The following HCN1 variants were observed in gnomAD, a reference collection of about 807,000 sequenced individuals.
HCN1 encodes hyperpolarization activated cyclic nucleotide gated potassium channel 1.
HCN1 carries 13 observed loss-of-function variants against 78.9 expected under a neutral mutation model. The observed-to-expected ratio is 0.16, with a 90% CI of 0.11 to 0.26. HCN1 has a LOEUF of 0.26. HCN1 is among the 10% of genes least tolerant of loss of function. The pLI is 1.00. For missense variants in HCN1, 810 were observed against 1,154.3 expected (o/e 0.70, Z 4.32); for synonymous variants, 552 against 455.5 (o/e 1.21, Z -2.70).
intron 6 of HCN1, among the ~76,000 whole-genome samples, chr5:45,282,919 T>A (rs1477751743): frequency 6.6e-6 from 1 of 152,202 alleles, no homozygotes; most frequent in Non-Finnish European, 1.5e-5. Context: ...TGTTTGTCTA[T>A]TTTTTAATCT....
chr5:45,528,693 G>T (rs1742786722), intron 2 of HCN1, among the ~76,000 whole-genome samples: 1 of 151,784 alleles, frequency 6.6e-6, no homozygotes, highest in South Asian at 2.1e-4. Context: ...CCCAAAAATT[G>T]TCCCTTTCCA....
intron 1 of HCN1, among the ~76,000 whole-genome samples, chr5:45,671,565 T>G (rs10074312): frequency 0.27 from 41,176 of 151,158 alleles, 5,689 homozygotes; most frequent in East Asian, 0.32. Context: ...ATACTTACAT[T>G]CTGAGTAAAT....
chr5:45,478,835 T>C (rs1336950748), intron 2 of HCN1, among the ~76,000 whole-genome samples: 1 of 151,974 alleles, frequency 6.6e-6, no homozygotes, highest in Non-Finnish European at 1.5e-5. Flanking sequence ...AAGAATAAGC[T>C]GAAGAAGGCA....
At chr5:45,543,573 T>A (rs1743146661) in intron 2 of HCN1, among the ~76,000 whole-genome samples, 1 of 152,060 alleles carries the variant, frequency 6.6e-6, no homozygotes, top group African/African-American at 2.4e-5. Context: ...AATTTGCTGT[T>A]TTTGCTTACT....
At chr5:45,529,460 A>G (rs1438199045) in intron 2 of HCN1, among the ~76,000 whole-genome samples, 10 of 152,052 alleles carry the variant, frequency 6.6e-5, no homozygotes, top group Non-Finnish European at 1.5e-5. Context: ...GATGTATTTT[A>G]TCTGAAAAGC....
intron 2 of HCN1, among the ~76,000 whole-genome samples, chr5:45,496,192 G>A (rs1742024285): frequency 6.6e-6 from 1 of 152,106 alleles, no homozygotes; most frequent in Admixed American, 6.5e-5. Flanking sequence ...GTTCCTCCTT[G>A]TACCTGTGGT....
chr5:45,658,713 G>C (rs1232662747), intron 1 of HCN1, among the ~76,000 whole-genome samples: 1 of 151,724 alleles, frequency 6.6e-6, no homozygotes, highest in Non-Finnish European at 1.5e-5. Flanking sequence ...GGAAAATCGG[G>C]TCACTCCCAC....
intron 3 of HCN1, among the ~76,000 whole-genome samples, chr5:45,419,681 G>A (rs1740188014): frequency 6.6e-6 from 1 of 152,144 alleles, no homozygotes; most frequent in Non-Finnish European, 1.5e-5. Flanking sequence ...GACAGAAGAA[G>A]GAAAATGTGA....
chr5:45,665,803 G>T (rs1746033258), intron 1 of HCN1, among the ~76,000 whole-genome samples: 1 of 152,034 alleles, frequency 6.6e-6, no homozygotes, highest in African/African-American at 2.4e-5. Context: ...ATTAAACTGT[G>T]CCAAAACTCT....
At chr5:45,483,644 T>G (rs1741699581) in intron 2 of HCN1, among the ~76,000 whole-genome samples, 1 of 152,160 alleles carries the variant, frequency 6.6e-6, no homozygotes, top group Admixed American at 6.5e-5. Flanking sequence ...ACTTGTTTAT[T>G]TTTGCTTTTG....
chr5:45,345,236 A>C (rs1746676625), intron 5 of HCN1, among the ~76,000 whole-genome samples: 1 of 152,190 alleles, frequency 6.6e-6, no homozygotes, highest in Admixed American at 6.5e-5. Flanking sequence ...TGCACACAGC[A>C]GGCAGCCTGT....
intron 2 of HCN1, among the ~76,000 whole-genome samples, chr5:45,595,480 G>A (rs1365241539): frequency 6.6e-6 from 1 of 152,104 alleles, no homozygotes; most frequent in East Asian, 1.9e-4. Context: ...TGGAATTACA[G>A]GTGCATGCCA....
intron 2 of HCN1, among the ~76,000 whole-genome samples, chr5:45,506,236 G>C (rs1320343158): frequency 6.6e-6 from 1 of 151,912 alleles, no homozygotes; most frequent in Non-Finnish European, 1.5e-5. Context: ...AATTAATTAT[G>C]GTATTGTCAT....
chr5:45,504,726 A>G (rs951330936), intron 2 of HCN1, among the ~76,000 whole-genome samples: 2 of 152,174 alleles, frequency 1.3e-5, no homozygotes, highest in Non-Finnish European at 2.9e-5. Flanking sequence ...ACAGTGTAAA[A>G]GTGTTCCTAT....
In HCN1 at chr5:45,461,935, G is replaced by A. The variant is rs2111627202; in HGVS notation, c.922C>T (p.Leu308=). Residue 308 remains leucine, a synonymous_variant, in exon 3 of 8, where the codon CTG becomes TTG. Transcript: ENST00000303230. The part of the protein sequence containing the change: ...IFNLIGMMLL[L]CHWDGCLQFL... ...TGAAGACAACCATCCCAGTGGCACA[G>A]GAGCAGCATCATGCCGATGAGATTA... is the stretch of plus-strand genomic sequence containing the variant. 6.2e-7 allele frequency: 1 copy of A among 1,613,364 alleles called. No homozygotes were observed. Among genetic ancestry groups the A allele is most frequent in the Non-Finnish European group, 8.5e-7 (1 of 1,179,520 alleles).
intron 6 of HCN1, among the ~76,000 whole-genome samples, chr5:45,294,835 C>T (rs544243778): frequency 3.9e-5 from 6 of 152,080 alleles, no homozygotes; most frequent in East Asian, 1.9e-4. Context: ...TAATCATGCC[C>T]CTCTTAAGAG....
chr5:45,317,010 A>G (rs1024002052), intron 5 of HCN1, among the ~76,000 whole-genome samples: 1 of 152,208 alleles, frequency 6.6e-6, no homozygotes, highest in Admixed American at 6.5e-5. Context: ...TATTGATTCA[A>G]TGCCATCCCC....
chr5:45,419,472 G>A (rs1363055773), intron 3 of HCN1, among the ~76,000 whole-genome samples: 4 of 152,198 alleles, frequency 2.6e-5, no homozygotes, highest in Non-Finnish European at 5.9e-5. Context: ...AAATAAGAGA[G>A]TGTTTATATT....
At chr5:45,349,683 A>C (rs917969370) in intron 5 of HCN1, among the ~76,000 whole-genome samples, 18 of 152,266 alleles carry the variant, frequency 1.2e-4, no homozygotes, top group Admixed American at 3.3e-4. Context: ...AAAAAATGAT[A>C]AAGGGGATAT....
Sources: gnomAD v4.1 joint callset for allele counts (sites outside exome capture counted in the v4.1 genomes callset) on GRCh38, gnomAD v4.1.1 for gene constraint, MANE v1.5 for transcripts, NCBI Gene and HGNC (gene_info 2026-07-23, HGNC 2026-07-21) for gene names.